The following PLXDC2 variants were observed in gnomAD, a reference collection of about 807,000 sequenced individuals.
The protein encoded by PLXDC2 is plexin domain-containing protein 2.
In PLXDC2, 40 loss-of-function variants were observed where a neutral mutation model predicts 68.9. That is an observed-to-expected ratio of 0.58 (90% CI 0.45 to 0.76). PLXDC2 has a LOEUF of 0.76. PLXDC2 is among the 30% of genes least tolerant of loss of function. The probability of loss-of-function intolerance (pLI) is 0.00; values close to 1 mark genes in which losing one functional copy is unlikely to be tolerated. For missense variants in PLXDC2, 644 were observed against 661.9 expected (o/e 0.97, Z 0.30); for synonymous variants, 243 against 234.2 (o/e 1.04, Z -0.34).
At chr10:20,258,540 C>G (rs1221017494) in intron 13 of PLXDC2, among the ~76,000 whole-genome samples, 1 of 152,090 alleles carries the variant, frequency 6.6e-6, no homozygotes, top group African/African-American at 2.4e-5. Flanking sequence ...AATCTGTGAT[C>G]ATCAATATCT....
At chr10:20,167,234 C>T (rs2131817556) in intron 7 of PLXDC2, among the ~76,000 whole-genome samples, 1 of 152,262 alleles carries the variant, frequency 6.6e-6, no homozygotes, top group African/African-American at 2.4e-5. Context: ...CCTTAAAAGT[C>T]TCTCCCACAT....
intron 1 of PLXDC2, among the ~76,000 whole-genome samples, chr10:19,895,160 C>G (rs1838036915): frequency 6.6e-6 from 1 of 152,136 alleles, no homozygotes; most frequent in South Asian, 2.1e-4. Context: ...CTTTTCTTAA[C>G]AACTAGGGGA....
intron 12 of PLXDC2, among the ~76,000 whole-genome samples, chr10:20,240,309 C>G (rs1437039013): frequency 6.6e-6 from 1 of 152,100 alleles, no homozygotes; most frequent in Non-Finnish European, 1.5e-5. Flanking sequence ...TGTATATGGA[C>G]AACATTTTCT....
chr10:20,132,265 G>A (rs560034645), intron 4 of PLXDC2, among the ~76,000 whole-genome samples: 2 of 2,622 alleles, frequency 7.6e-4, no homozygotes, highest in East Asian at 0.017. Context: ...TTGACCTAAC[G>A]TGGATCTATC....
At chr10:20,123,111 G>C (rs924128956) in intron 4 of PLXDC2, among the ~76,000 whole-genome samples, 1 of 152,182 alleles carries the variant, frequency 6.6e-6, no homozygotes, top group African/African-American at 2.4e-5. Context: ...GAACAAAACT[G>C]TAAGCCGGAC....
Position 20,265,154 on chromosome 10 carries a change from C to T in PLXDC2, c.1474-14549C>T, listed in dbSNP as rs186812853. On this transcript the variant is annotated intron_variant, in intron 13 of 13. Transcript: ENST00000377252. The stretch of plus-strand genomic sequence containing the variant: ...AGAATTTATATCCAGCAAAACTGAC[C>T]ATTGAGTAGAAAGGGCATAAATAAA... Among the ~76,000 whole-genome samples, 35 of 152,194 alleles carry T rather than the reference C, an allele frequency of 2.3e-4. No individual in the cohort carries two copies. In the East Asian group the frequency reaches 6.8e-3, roughly 29 times the overall value.
intron 1 of PLXDC2, among the ~76,000 whole-genome samples, chr10:19,897,289 G>A (rs1838075684): frequency 6.6e-6 from 1 of 150,932 alleles, no homozygotes; most frequent in African/African-American, 2.4e-5. Flanking sequence ...GCCCAGGCTG[G>A]AGTGTAATGG....
rs1466574890 is a variant in PLXDC2, at chr10:20,285,408, C to A, written c.*5589C>A. 1 of 152,124 alleles carries A rather than the reference C, an allele frequency of 6.6e-6. No individual in the cohort carries two copies. The highest frequency in any genetic ancestry group is 1.5e-5 in the Non-Finnish European group (1 of 68,008). 9.4% of individuals were successfully genotyped at this position (152,124 alleles called of 1,614,324 possible). The stretch of plus-strand genomic sequence containing the variant: ...AGGCATGTAACCGATCATTATAATA[C>A]AATAACATCCCTAAACCAGACTTTA... On this transcript the variant is annotated 3_prime_UTR_variant, in exon 14 of 14. Transcript: ENST00000377252.
At chr10:20,032,683 A>G (rs180967301) in intron 2 of PLXDC2, among the ~76,000 whole-genome samples, 89 of 152,078 alleles carry the variant, frequency 5.9e-4, no homozygotes, top group African/African-American at 2.0e-3. Context: ...TGGAGTTTGT[A>G]TGTGTTATAT....
At chr10:19,844,986 A>C (rs180822699) in intron 1 of PLXDC2, among the ~76,000 whole-genome samples, 45 of 152,308 alleles carry the variant, frequency 3.0e-4, no homozygotes, top group African/African-American at 9.1e-4. Context: ...CTAATTGTAC[A>C]AGAAAATATC....
At chr10:20,179,426 C>T (rs771340560) in intron 9 of PLXDC2, among the ~76,000 whole-genome samples, 1 of 152,062 alleles carries the variant, frequency 6.6e-6, no homozygotes, top group Non-Finnish European at 1.5e-5. Flanking sequence ...AGCTTCCAAA[C>T]GAAGGAATCA....
At chr10:20,186,482 GGGGTTTGATATGT>G (rs1337074189) in intron 9 of PLXDC2, among the ~76,000 whole-genome samples, 6 of 151,798 alleles carry the variant, frequency 4.0e-5, no homozygotes, top group African/African-American at 1.5e-4. Flanking sequence ...TCACGTCATG[GGGGTTTGATATGT>G]GGATTATTTT....
At position 19,929,983 on chromosome 10, in the gene PLXDC2, ATG is replaced by A. The variant is rs368146958; in HGVS notation, c.113-71788_113-71787del. 2.0e-3 allele frequency among the ~76,000 whole-genome samples: 305 copies of A among 152,160 alleles called. 1 individual carries two copies. Among genetic ancestry groups the A allele is most frequent in the African/African-American group, 7.1e-3 (293 of 41,504 alleles). On this transcript the variant is annotated intron_variant, in intron 1 of 13. Transcript: ENST00000377252. Reference sequence around the variant, plus strand: ...GAAAATTTCTCCTCCGTCCTGGAGGATGTGTCATTTGAACATCTTTTAGTGCT... The same window carrying A: ...GAAAATTTCTCCTCCGTCCTGGAGGATGTCATTTGAACATCTTTTAGTGCT...
chr10:19,828,746 G>C (rs999032009), intron 1 of PLXDC2, among the ~76,000 whole-genome samples: 61 of 152,220 alleles, frequency 4.0e-4, no homozygotes, highest in African/African-American at 1.4e-3. Context: ...TTGAAAATAG[G>C]CATGGCCAAT....
chr10:19,975,733 T>A (rs1401369263), intron 1 of PLXDC2, among the ~76,000 whole-genome samples: 1 of 152,154 alleles, frequency 6.6e-6, no homozygotes, highest in Admixed American at 6.5e-5. Context: ...GTATAATATG[T>A]CCTCTAATAG....
chr10:20,087,047 C>T (rs60253213), intron 4 of PLXDC2, among the ~76,000 whole-genome samples: 1,892 of 152,144 alleles, frequency 0.012, 29 homozygotes, highest in African/African-American at 0.04. Context: ...ATTCTGAAGA[C>T]GCAACAAAAA....
At chr10:20,214,632 T>G (rs910371314) in intron 10 of PLXDC2, among the ~76,000 whole-genome samples, 9 of 152,148 alleles carry the variant, frequency 5.9e-5, no homozygotes, top group African/African-American at 1.9e-4. Flanking sequence ...AAAGGCACCA[T>G]TGGGATATTC....
chr10:20,008,179 G>C (rs558116775), intron 2 of PLXDC2, among the ~76,000 whole-genome samples: 22 of 152,294 alleles, frequency 1.4e-4, no homozygotes, highest in African/African-American at 5.1e-4. Context: ...AGGTCATTGT[G>C]TGGGCTCTAA....
chr10:20,204,365 G>A (rs1834961551), intron 9 of PLXDC2, among the ~76,000 whole-genome samples: 1 of 151,976 alleles, frequency 6.6e-6, no homozygotes, highest in South Asian at 2.1e-4. Context: ...AATAAAACAT[G>A]TTATTGGCTA....
Sources: gnomAD v4.1 joint callset for allele counts (sites outside exome capture counted in the v4.1 genomes callset) on GRCh38, gnomAD v4.1.1 for gene constraint, MANE v1.5 for transcripts, NCBI Gene and HGNC (gene_info 2026-07-23, HGNC 2026-07-21) for gene names.